The following NCKAP5 variants were observed in gnomAD, a reference collection of about 807,000 sequenced individuals.
The protein encoded by NCKAP5 is NCK associated protein 5, also known as nck-associated protein 5.
NCKAP5 carries 92 observed loss-of-function variants against 167.0 expected under a neutral mutation model. The observed-to-expected ratio is 0.55, with a 90% confidence interval of 0.47 to 0.66. The LOEUF is 0.66. Among genes scored for constraint, NCKAP5 ranks in the 30% least tolerant of loss-of-function variants. The pLI, the probability that NCKAP5 is intolerant of heterozygous loss-of-function variation, is 0.00. For missense variants in NCKAP5, 2,378 were observed against 2,315.0 expected (o/e 1.03, Z -0.56); for synonymous variants, 891 against 877.4 (o/e 1.02, Z -0.27).
Position 132,962,059 on chromosome 2 carries a change from C to T in NCKAP5, c.579+1661G>A, listed in dbSNP as rs145596065. Among the ~76,000 whole-genome samples the T allele has an allele frequency of 1.4e-3, 216 of 152,264 alleles. 1 individual carries two copies. The highest frequency in any genetic ancestry group is 2.1e-3 in the Non-Finnish European group (146 of 68,006). ...CTCTTTGCCCAGAGGGAGTTGCTAG[C>T]GATTCCTTTAGTTGATATTTGTTCT... On this transcript the variant is annotated intron_variant, in intron 8 of 19. Transcript: ENST00000409261.
At chr2:133,421,399 G>C (rs756251064) in intron 3 of NCKAP5, among the ~76,000 whole-genome samples, 1 of 152,134 alleles carries the variant, frequency 6.6e-6, no homozygotes, top group Non-Finnish European at 1.5e-5. Context: ...CCTCACCTGA[G>C]CATTCAAAAT....
chr2:133,020,584 G>A (rs1478436967), intron 6 of NCKAP5, among the ~76,000 whole-genome samples: 1 of 152,208 alleles, frequency 6.6e-6, no homozygotes, highest in African/African-American at 2.4e-5. Flanking sequence ...AAGAGATGCT[G>A]GTTGGGGCAC....
At chr2:133,168,762 AT>A (rs2149979408) in intron 5 of NCKAP5, among the ~76,000 whole-genome samples, 1 of 152,140 alleles carries the variant, frequency 6.6e-6, no homozygotes, top group African/African-American at 2.4e-5. Context: ...GCTTCAATCC[AT>A]TTTTCCCCAT....
intron 4 of NCKAP5, among the ~76,000 whole-genome samples, chr2:133,241,738 T>G (rs150916993): frequency 2.2e-3 from 339 of 152,310 alleles, no homozygotes; most frequent in African/African-American, 7.8e-3. Context: ...ACGTGGTTTG[T>G]CCACTAGGCC....
chr2:132,900,805 C>T (rs1342985113), intron 8 of NCKAP5, among the ~76,000 whole-genome samples: 1 of 151,620 alleles, frequency 6.6e-6, no homozygotes, highest in African/African-American at 2.4e-5. Context: ...ACTAAAAATA[C>T]AAAAATTAGC....
chr2:133,430,865 G>C (rs569157151), intron 3 of NCKAP5, among the ~76,000 whole-genome samples: 11 of 151,326 alleles, frequency 7.3e-5, no homozygotes, highest in African/African-American at 2.4e-4. Flanking sequence ...GGTGGGGGTG[G>C]AGAGGGAGAA....
intron 3 of NCKAP5, among the ~76,000 whole-genome samples, chr2:133,330,244 A>ATTTTTTTTTTTTT (rs765058418): frequency 2.3e-5 from 2 of 88,166 alleles, no homozygotes; most frequent in African/African-American, 4.4e-5. Flanking sequence ...TATTTTTTGT[A>ATTTTTTTTTTTTT]TTTTTTTTTT....
At position 132,826,768 on chromosome 2, in the gene NCKAP5, G is replaced by T. The variant is rs1176457410; in HGVS notation, c.808-30039C>A. On this transcript the variant is annotated intron_variant, in intron 11 of 19. Coordinates refer to ENST00000409261, the MANE Select transcript of NCKAP5 (RefSeq NM_207363.3). ...AAGCAGTTTATAGATAGATTAAGGA[G>T]AAAAATAGGACATCCTGGGTTTATT... Among the ~76,000 whole-genome samples the T allele has an allele frequency of 2.0e-5, 3 of 152,112 alleles. No individual in the cohort carries two copies. The East Asian group carries it at 5.8e-4, about 29-fold the overall frequency.
chr2:133,440,546 TA>T (rs1690769650), intron 3 of NCKAP5, among the ~76,000 whole-genome samples: 1 of 150,866 alleles, frequency 6.6e-6, no homozygotes. Context: ...CCATCTTTAC[TA>T]AAAATACAAA....
chr2:132,807,145 G>C (rs187419570), intron 11 of NCKAP5, among the ~76,000 whole-genome samples: 13 of 152,322 alleles, frequency 8.5e-5, no homozygotes, highest in East Asian at 3.9e-4. Flanking sequence ...GTGCCATGCT[G>C]TTTTGGTGAC....
chr2:133,614,443 G>C, the NCKAP5 span, among the ~76,000 whole-genome samples: 1 of 152,030 alleles, frequency 6.6e-6, no homozygotes, highest in African/African-American at 2.4e-5. Context: ...CCAATACAGA[G>C]AAGTGCTTAA....
chr2:132,851,864 A>C (rs562976587), intron 11 of NCKAP5, among the ~76,000 whole-genome samples: 1 of 152,196 alleles, frequency 6.6e-6, no homozygotes, highest in African/African-American at 2.4e-5. Flanking sequence ...AAGAGAGGTG[A>C]CAGAACAAAG....
At position 133,361,627 on chromosome 2, in the gene NCKAP5, C is replaced by T. The variant is rs77205636; in HGVS notation, c.70-58517G>A. On this transcript the variant is annotated intron_variant, in intron 3 of 19. Transcript: ENST00000409261. ...AGCTTAATGGACAAATGGAATATTC[C>T]TGCCACAAGAAAAGGCCAAAATGAT... 1.9e-3 allele frequency among the ~76,000 whole-genome samples: 283 copies of T among 152,198 alleles called. 2 individuals are homozygous for T. The highest frequency in any genetic ancestry group is 6.5e-3 in the African/African-American group (271 of 41,518).
intron 4 of NCKAP5, among the ~76,000 whole-genome samples, chr2:133,239,775 G>A (rs909548451): frequency 4.6e-5 from 7 of 152,130 alleles, no homozygotes; most frequent in African/African-American, 1.2e-4. Flanking sequence ...TCAAAGTCAG[G>A]TGTAATTAAA....
intron 8 of NCKAP5, among the ~76,000 whole-genome samples, chr2:132,904,980 C>G (rs555250696): frequency 3.9e-5 from 6 of 152,098 alleles, no homozygotes; most frequent in Non-Finnish European, 4.4e-5. Flanking sequence ...AAAGTCAAAT[C>G]AATCTTCTTT....
intron 5 of NCKAP5, among the ~76,000 whole-genome samples, chr2:133,201,833 C>T (rs994489417): frequency 4.6e-5 from 7 of 151,866 alleles, no homozygotes; most frequent in Admixed American, 1.3e-4. Context: ...GGAGATTCTG[C>T]GCTTAAGAAA....
intron 8 of NCKAP5, among the ~76,000 whole-genome samples, chr2:132,922,415 G>A (rs142709114): frequency 2.9e-4 from 44 of 152,252 alleles, no homozygotes; most frequent in African/African-American, 8.2e-4. Context: ...AAATGCAAAT[G>A]TGATCATGCA....
intron 6 of NCKAP5, among the ~76,000 whole-genome samples, chr2:133,050,548 T>C (rs1313849513): frequency 6.6e-6 from 1 of 152,170 alleles, no homozygotes. Flanking sequence ...TTGTACTAAA[T>C]CTACTTGGGG....
At chr2:132,939,369 A>T (rs1441018287) in intron 8 of NCKAP5, among the ~76,000 whole-genome samples, 1 of 152,168 alleles carries the variant, frequency 6.6e-6, no homozygotes, top group Non-Finnish European at 1.5e-5. Context: ...TAATGAATGA[A>T]GAACCACCAC....
Sources: allele counts gnomAD v4.1 joint callset (sites outside exome capture counted in the v4.1 genomes callset), GRCh38; gene constraint gnomAD v4.1.1; transcripts MANE v1.5; gene names NCBI Gene and HGNC (gene_info 2026-07-23, HGNC 2026-07-21).